INPP4B: variants seen among roughly 807,000 people sequenced by gnomAD.
INPP4B encodes the protein inositol polyphosphate 4-phosphatase type II.
In INPP4B, 55 loss-of-function variants were observed where a neutral mutation model predicts 122.5. That is an observed-to-expected ratio of 0.45 (90% confidence interval 0.36 to 0.56). The LOEUF (loss-of-function observed/expected upper bound fraction) is 0.56, where lower values mean the gene tolerates loss of function less well. INPP4B is among the 20% of genes least tolerant of loss of function. The pLI is 0.00. For synonymous variants in INPP4B, 403 were observed against 388.7 expected, an observed-to-expected ratio of 1.04 and a Z score of -0.43; for missense variants, 1,000 against 1,097.7, an observed-to-expected ratio of 0.91 and a Z score of 1.26.
chr4:142,257,161 C>T (rs1238922378), intron 11 of INPP4B, among the ~76,000 whole-genome samples: 2 of 152,140 alleles, frequency 1.3e-5, no homozygotes, highest in Non-Finnish European at 1.5e-5. Flanking sequence ...AACAACCCTT[C>T]ATGCTAAAAA....
intron 9 of INPP4B, among the ~76,000 whole-genome samples, chr4:142,287,830 A>G (rs1754498361): frequency 1.3e-5 from 2 of 152,234 alleles, no homozygotes; most frequent in African/African-American, 4.8e-5. Context: ...ACAAAATAGC[A>G]TATAAAACTG....
intron 12 of INPP4B, 75 bp downstream of exon 12, chr4:142,237,785 TTATA>T: frequency 2.5e-6 from 2 of 807,542 alleles, no homozygotes; most frequent in Non-Finnish European, 3.7e-6. Context: ...GTTGCACAGA[TTATA>T]TATAATTTGT....
At chr4:142,108,011 C>A (rs1788022399) in intron 23 of INPP4B, 82 bp downstream of exon 23, 3 of 724,072 alleles carry the variant, frequency 4.1e-6, no homozygotes, top group Non-Finnish European at 4.8e-6. Context: ...TTCTGTAGTC[C>A]ACTGACCTCT....
intron 8 of INPP4B, 156 bp from the exon 9 acceptor site, chr4:142,305,693 T>C (rs1268711259): frequency 9.6e-6 from 14 of 1,455,098 alleles, no homozygotes; most frequent in Non-Finnish European, 1.2e-5. Context: ...ATCAATAATA[T>C]ATCTACCTCA....
intron 8 of INPP4B, among the ~76,000 whole-genome samples, chr4:142,312,247 C>T (rs563726810): frequency 1.3e-5 from 2 of 152,230 alleles, no homozygotes; most frequent in Non-Finnish European, 2.9e-5. Flanking sequence ...AGTATAGAGA[C>T]GCTGGTCTAT....
At chr4:142,307,671 T>C (rs1763942097) in intron 8 of INPP4B, among the ~76,000 whole-genome samples, 1 of 152,232 alleles carries the variant, frequency 6.6e-6, no homozygotes. Flanking sequence ...AATTTTATTT[T>C]AGCATTTTGT....
intron 3 of INPP4B, among the ~76,000 whole-genome samples, chr4:142,439,357 A>G (rs1334291705): frequency 6.6e-6 from 1 of 151,996 alleles, no homozygotes; most frequent in African/African-American, 2.4e-5. Flanking sequence ...AGATTCTCCC[A>G]CCCTGCTCTC....
chr4:142,676,087 T>C (rs1454207896), intron 2 of INPP4B, among the ~76,000 whole-genome samples: 1 of 152,158 alleles, frequency 6.6e-6, no homozygotes, highest in Non-Finnish European at 1.5e-5. Flanking sequence ...TGATTGTATA[T>C]TTATAAAACC....
chr4:142,567,592 T>C (rs529688587), intron 2 of INPP4B, among the ~76,000 whole-genome samples: 28 of 152,332 alleles, frequency 1.8e-4, no homozygotes, highest in Non-Finnish European at 2.8e-4. Context: ...AATAAATATA[T>C]GCTGAAATAA....
intron 2 of INPP4B, among the ~76,000 whole-genome samples, chr4:142,619,350 C>T (rs1271482718): frequency 6.6e-6 from 1 of 151,932 alleles, no homozygotes; most frequent in Middle Eastern, 3.2e-3. Flanking sequence ...TGTCTACTGA[C>T]AGATGAAGGG....
At chr4:142,342,766 T>A (rs369477696) in intron 7 of INPP4B, among the ~76,000 whole-genome samples, 33 of 152,322 alleles carry the variant, frequency 2.2e-4, no homozygotes, top group African/African-American at 7.7e-4. Context: ...TGTTCCTTAA[T>A]AGCAGTCTGA....
chr4:142,776,046 G>C (rs978423891), intron 1 of INPP4B, among the ~76,000 whole-genome samples: 2 of 152,114 alleles, frequency 1.3e-5, no homozygotes, highest in African/African-American at 4.8e-5. Flanking sequence ...ATATGGAGTA[G>C]CGCTGATATG....
chr4:142,426,009 A>G (rs988710417), intron 5 of INPP4B, among the ~76,000 whole-genome samples: 1 of 142,386 alleles, frequency 7.0e-6, no homozygotes, highest in Non-Finnish European at 1.6e-5. Flanking sequence ...ACATTACTTC[A>G]GAGCGTCAAG....
intron 1 of INPP4B, among the ~76,000 whole-genome samples, chr4:142,784,613 T>C (rs1775455928): frequency 6.6e-6 from 1 of 151,926 alleles, no homozygotes; most frequent in Non-Finnish European, 1.5e-5. Context: ...TACATGCAGG[T>C]TAGCTTGAGA....
At chr4:142,445,676 T>C (rs1388411507) in intron 3 of INPP4B, among the ~76,000 whole-genome samples, 1 of 152,132 alleles carries the variant, frequency 6.6e-6, no homozygotes, top group Non-Finnish European at 1.5e-5. Flanking sequence ...TAGACAACAC[T>C]ACCAACAACT....
At chr4:142,380,253 A>G (rs1044993352) in intron 7 of INPP4B, among the ~76,000 whole-genome samples, 1 of 152,146 alleles carries the variant, frequency 6.6e-6, no homozygotes, top group Non-Finnish European at 1.5e-5. Context: ...AGTTTCCCCT[A>G]GTTATTTCAA....
Position 142,094,187 on chromosome 4 carries a change from T to C in INPP4B, c.2375-7931A>G, listed in dbSNP as rs550651571. 7.2e-5 allele frequency among the ~76,000 whole-genome samples: 11 copies of C among 152,230 alleles called. No individual in the cohort carries two copies. In the South Asian group the frequency reaches 8.3e-4, roughly 11 times the overall value. ...AGTCTCCTCAAGATGCCTAAGATAGTTCAAGCACAGACGATAGAGCAGAGT... is the reference window on the plus strand; with the variant it reads ...AGTCTCCTCAAGATGCCTAAGATAGCTCAAGCACAGACGATAGAGCAGAGT... On this transcript the variant is annotated intron_variant, in intron 23 of 25. Transcript: ENST00000262992.
At chr4:142,514,560 TTTAGCGC>T (rs1233120482) in intron 2 of INPP4B, 4 of 152,148 alleles carry the variant, frequency 2.6e-5, no homozygotes, top group Admixed American at 6.6e-5. Flanking sequence ...GTATAATGCA[TTTAGCGC>T]TGTAGTTAAG....
intron 12 of INPP4B, among the ~76,000 whole-genome samples, chr4:142,227,354 G>C (rs1005041736): frequency 6.6e-6 from 1 of 151,810 alleles, no homozygotes; most frequent in Non-Finnish European, 1.5e-5. Flanking sequence ...AAATATGAGG[G>C]GTAAGGAGTG....
Sources: gnomAD v4.1 joint callset for allele counts (sites outside exome capture counted in the v4.1 genomes callset) on GRCh38, gnomAD v4.1.1 for gene constraint, MANE v1.5 for transcripts, NCBI Gene and HGNC (gene_info 2026-07-23, HGNC 2026-07-21) for gene names.